Variants in MICAL2 observed in about 807,000 individuals in gnomAD.
MICAL2 encodes the protein [F-actin]-monooxygenase MICAL2.
Under a neutral mutation model 127.3 loss-of-function variants are expected in MICAL2, and 77 were observed. The observed-to-expected ratio is 0.60, with a 90% CI of 0.50 to 0.73. The LOEUF (loss-of-function observed/expected upper bound fraction) is 0.73. MICAL2 is among the 30% of genes least tolerant of loss of function. MICAL2 has a pLI of 0.00. For missense variants in MICAL2, 1,351 were observed against 1,434.4 expected (o/e 0.94, Z 0.94); for synonymous variants, 570 against 551.1 (o/e 1.03, Z -0.48).
chr11:12,334,253 G>A (rs750987754), intron 32 of MICAL2, among the ~76,000 whole-genome samples: 14 of 152,068 alleles, frequency 9.2e-5, no homozygotes, highest in Non-Finnish European at 1.3e-4. Flanking sequence ...TAGTCACTGC[G>A]TATAACCTAT....
intron 22 of MICAL2, among the ~76,000 whole-genome samples, chr11:12,250,988 G>C (rs1035664007): frequency 2.6e-5 from 4 of 152,128 alleles, no homozygotes; most frequent in Non-Finnish European, 2.9e-5. Context: ...TCTCAGGATC[G>C]TGAGAACCTG....
intron 24 of MICAL2, among the ~76,000 whole-genome samples, chr11:12,270,544 G>A (rs1055299767): frequency 5.3e-5 from 8 of 152,160 alleles, no homozygotes. Flanking sequence ...GCCTGCTGCT[G>A]CTCCTCTCTG....
upstream of MICAL2, among the ~76,000 whole-genome samples, chr11:12,272,727 T>G (rs1863686622): frequency 6.6e-6 from 1 of 152,204 alleles, no homozygotes; most frequent in Non-Finnish European, 1.5e-5. Flanking sequence ...CCCAAGGGAT[T>G]GACTGGGTTG....
intron 3 of MICAL2, among the ~76,000 whole-genome samples, chr11:12,201,112 G>A (rs1384441166): frequency 1.3e-5 from 2 of 152,166 alleles, no homozygotes; most frequent in Admixed American, 1.3e-4. Flanking sequence ...AAAGAGCAGT[G>A]CTGGGCTTGG....
At chr11:12,344,488 T>G (rs1195631883) in intron 32 of MICAL2, among the ~76,000 whole-genome samples, 2 of 144,734 alleles carry the variant, frequency 1.4e-5, no homozygotes, top group South Asian at 2.2e-4. Context: ...TTATTATTAT[T>G]ATTATTATTA....
At chr11:12,352,511 G>A (rs997930415) in intron 33 of MICAL2, among the ~76,000 whole-genome samples, 1 of 152,224 alleles carries the variant, frequency 6.6e-6, no homozygotes, top group Non-Finnish European at 1.5e-5. Context: ...CTGTAGGAAG[G>A]ACTTTCCTCT....
At chr11:12,231,784 C>T (rs1173082588) in intron 15 of MICAL2, among the ~76,000 whole-genome samples, 4 of 152,298 alleles carry the variant, frequency 2.6e-5, no homozygotes, top group Admixed American at 1.3e-4. Context: ...TCAAGAGTGC[C>T]GCTTTCCAAG....
intron 2 of MICAL2, among the ~76,000 whole-genome samples, chr11:12,139,730 G>A (rs917239918): frequency 6.6e-6 from 1 of 152,200 alleles, no homozygotes; most frequent in African/African-American, 2.4e-5. Context: ...TCCCCTCTCT[G>A]GAGAAACAGA....
chr11:12,195,190 G>C (rs903594695), intron 3 of MICAL2, among the ~76,000 whole-genome samples: 3 of 152,164 alleles, frequency 2.0e-5, no homozygotes, highest in African/African-American at 7.2e-5. Flanking sequence ...CCAGGAGTTC[G>C]AGGCTGCAGT....
intron 29 of MICAL2, chr11:12,303,750 CTG>C (rs1193432097): frequency 6.6e-6 from 1 of 152,162 alleles, no homozygotes; most frequent in Non-Finnish European, 1.5e-5. Flanking sequence ...GATTTGTAAT[CTG>C]TATAGATTCT....
At chr11:12,176,564 AC>A (rs1193768158) in intron 3 of MICAL2, among the ~76,000 whole-genome samples, 1 of 152,190 alleles carries the variant, frequency 6.6e-6, no homozygotes, top group Non-Finnish European at 1.5e-5. Context: ...TGCAGCCATC[AC>A]CAACATTCAT....
At chr11:12,126,705 T>A (rs1457112612) in intron 1 of MICAL2, among the ~76,000 whole-genome samples, 3 of 144,296 alleles carry the variant, frequency 2.1e-5, no homozygotes, top group Non-Finnish European at 3.0e-5. Flanking sequence ...CTTATGTGTG[T>A]AAAAAAAAAA....
At chr11:12,197,148 A>C (rs1351312012) in intron 3 of MICAL2, among the ~76,000 whole-genome samples, 1 of 152,222 alleles carries the variant, frequency 6.6e-6, no homozygotes, top group East Asian at 1.9e-4. Flanking sequence ...CCATCTCACC[A>C]GTCCTTTACA....
At chr11:12,344,313 C>CA in intron 32 of MICAL2, among the ~76,000 whole-genome samples, 1 of 151,594 alleles carries the variant, frequency 6.6e-6, no homozygotes, top group East Asian at 1.9e-4. Flanking sequence ...CAAAACAAAA[C>CA]AAAAAACAAA....
intron 30 of MICAL2, among the ~76,000 whole-genome samples, chr11:12,319,990 A>T (rs1381334952): frequency 5.9e-5 from 9 of 152,184 alleles, no homozygotes; most frequent in Non-Finnish European, 1.3e-4. Context: ...CTTTAAAAAA[A>T]ACTTGTAGAA....
intron 3 of MICAL2, among the ~76,000 whole-genome samples, chr11:12,177,213 C>G (rs939056915): frequency 6.6e-6 from 1 of 152,122 alleles, no homozygotes; most frequent in East Asian, 1.9e-4. Flanking sequence ...GAGGTGGCAT[C>G]TCATGATTTT....
chr11:12,232,906 A>G (rs963710795), intron 15 of MICAL2, among the ~76,000 whole-genome samples: 6 of 152,182 alleles, frequency 3.9e-5, no homozygotes, highest in African/African-American at 1.4e-4. Flanking sequence ...TTTAGATTGC[A>G]CACCATTCTG....
chr11:12,319,602 T>A, intron 29 of MICAL2: 1 of 876,524 alleles, frequency 1.1e-6, no homozygotes, highest in Non-Finnish European at 1.9e-6. Flanking sequence ...AGGAAGGGAA[T>A]GAGAGTAAGT....
intron 6 of MICAL2, among the ~76,000 whole-genome samples, chr11:12,210,653 G>A (rs1231016172): frequency 6.6e-6 from 1 of 152,146 alleles, no homozygotes; most frequent in Non-Finnish European, 1.5e-5. Flanking sequence ...TTTTACACTT[G>A]GTAAAAGTGT....
Sources: allele counts gnomAD v4.1 joint callset (sites outside exome capture counted in the v4.1 genomes callset), GRCh38; gene constraint gnomAD v4.1.1; transcripts MANE v1.5; gene names NCBI Gene and HGNC (gene_info 2026-07-23, HGNC 2026-07-21).